The following DMD variants were observed in gnomAD, a reference collection of about 807,000 sequenced individuals.
The protein encoded by DMD is dystrophin.
A neutral mutation model predicts 330.1 loss-of-function variants in DMD; 63 were observed. That is an observed-to-expected ratio of 0.19 (90% CI 0.16 to 0.24). The LOEUF is 0.24. Among genes scored for constraint, DMD ranks in the 10% least tolerant of loss-of-function variants. DMD has a pLI of 1.00. For missense variants in DMD, 3,344 were observed against 2,684.1 expected, an observed-to-expected ratio of 1.25 and a Z score of -5.43; for synonymous variants, 1,223 against 959.8, an observed-to-expected ratio of 1.27 and a Z score of -5.07.
rs1478979282 is a variant in DMD, at chrX:31,876,452, T to C, written c.6913-1079A>G. ...TCATAGGATTACTGTTAGGACTCAG[T>C]AACGTCATCCCTGAACATACCTTAG... On this transcript the variant is annotated intron_variant, in intron 47 of 78. Coordinates refer to ENST00000357033, the MANE Select transcript of DMD (RefSeq NM_004006.3). Among the ~76,000 whole-genome samples, 3 of 112,018 alleles carry C rather than the reference T, an allele frequency of 2.7e-5. No individual in the cohort carries two copies. The East Asian group carries it at 8.4e-4, about 31-fold the overall frequency.
intron 60 of DMD, among the ~76,000 whole-genome samples, chrX:31,363,372 CTTTTTT>C (rs752548187): frequency 6.0e-4 from 31 of 51,877 alleles, no homozygotes; most frequent in African/African-American, 2.4e-3. Context: ...AGACATGTAT[CTTTTTT>C]TTTTTTTTTT....
chrX:32,561,232 C>T (rs1411935261), intron 16 of DMD, among the ~76,000 whole-genome samples: 1 of 111,464 alleles, frequency 9.0e-6, no homozygotes, highest in African/African-American at 3.3e-5. Context: ...AATGTTCTAA[C>T]CCAATGCAAA....
rs185212362 is a variant in DMD at position 32,185,320 on chromosome X, C to A, written c.6438+31596G>T. On this transcript the variant is annotated intron_variant, in intron 44 of 78. Transcript: ENST00000357033. ...TAGAAACAACATTGCCAGTAACTAT[C>A]TGATTAGCCTTAGGCAAGTTTCTCA... 1.3e-3 allele frequency among the ~76,000 whole-genome samples: 144 copies of A among 111,175 alleles called. 1 individual carries two copies. The highest frequency in any genetic ancestry group is 2.0e-3 in the Non-Finnish European group (106 of 52,771).
intron 29 of DMD, among the ~76,000 whole-genome samples, chrX:32,430,751 CT>C (rs773557048): frequency 9.9e-5 from 11 of 111,541 alleles, no homozygotes; most frequent in Non-Finnish European, 1.9e-4. Flanking sequence ...ATTCCACATT[CT>C]CCTTCCATTA....
chrX:32,752,373 T>C (rs929113677), intron 7 of DMD, among the ~76,000 whole-genome samples: 1 of 110,992 alleles, frequency 9.0e-6, no homozygotes, highest in Non-Finnish European at 1.9e-5. Context: ...CTTTAAGATT[T>C]GACAGCCCTG....
chrX:33,096,847 C>T (rs1422427576), intron 1 of DMD, among the ~76,000 whole-genome samples: 1 of 112,817 alleles, frequency 8.9e-6, no homozygotes, highest in Non-Finnish European at 1.9e-5. Flanking sequence ...AAGTTTACAA[C>T]AAACCACGTA....
At chrX:32,574,896 C>A (rs1408754972) in intron 13 of DMD, among the ~76,000 whole-genome samples, 1 of 92,158 alleles carries the variant, frequency 1.1e-5, no homozygotes, top group East Asian at 5.6e-4. Flanking sequence ...AAATAATCCA[C>A]CTATTTTTTT....
chrX:32,399,824 A>G (rs2098073277), intron 30 of DMD, among the ~76,000 whole-genome samples: 1 of 112,081 alleles, frequency 8.9e-6, no homozygotes, highest in Admixed American at 9.5e-5. Flanking sequence ...CAAGATTTGG[A>G]AGCAACCTAA....
chrX:33,153,443 C>A (rs1456824697), intron 1 of DMD, among the ~76,000 whole-genome samples: 1 of 112,625 alleles, frequency 8.9e-6, no homozygotes, highest in East Asian at 2.8e-4. Flanking sequence ...CAAAACAAAA[C>A]TGTATTTCCC....
intron 62 of DMD, among the ~76,000 whole-genome samples, chrX:31,267,482 C>A (rs2051276913): frequency 8.9e-6 from 1 of 111,744 alleles, no homozygotes; most frequent in Admixed American, 9.4e-5. Flanking sequence ...AAATGTAGAC[C>A]CTGGGAACAG....
At chrX:32,575,850 T>G (rs1162748597) in intron 13 of DMD, among the ~76,000 whole-genome samples, 1 of 111,849 alleles carries the variant, frequency 8.9e-6, no homozygotes, top group Admixed American at 9.5e-5. Context: ...AGGGACAAAC[T>G]CAAGCTATAG....
intron 52 of DMD, among the ~76,000 whole-genome samples, chrX:31,682,772 C>A (rs2082454756): frequency 8.9e-6 from 1 of 112,001 alleles, no homozygotes; most frequent in South Asian, 3.7e-4. Flanking sequence ...TTTTAGAATG[C>A]CTAGTGGTTT....
chrX:32,712,102 T>C (rs1200267102), intron 7 of DMD, among the ~76,000 whole-genome samples: 1 of 111,999 alleles, frequency 8.9e-6, no homozygotes, highest in Non-Finnish European at 1.9e-5. Context: ...AATGTGAACT[T>C]CAAAATTAAT....
intron 47 of DMD, among the ~76,000 whole-genome samples, chrX:31,889,651 A>T (rs62587702): frequency 0.013 from 718 of 57,088 alleles, 1 homozygote; most frequent in Middle Eastern, 0.031. Flanking sequence ...TCTCTCTCAC[A>T]CACACACACA....
intron 43 of DMD, among the ~76,000 whole-genome samples, chrX:32,239,838 A>G (rs1393363542): frequency 8.9e-6 from 1 of 112,091 alleles, no homozygotes; most frequent in Non-Finnish European, 1.9e-5. Context: ...TCTTTCTCGG[A>G]AATACCACCT....
chrX:32,801,337 C>A (rs1478612058), intron 7 of DMD, among the ~76,000 whole-genome samples: 1 of 111,581 alleles, frequency 9.0e-6, no homozygotes, highest in Non-Finnish European at 1.9e-5. Context: ...TGAGAAGGGT[C>A]TGTTCATACC....
chrX:31,987,702 G>A, intron 44 of DMD, among the ~76,000 whole-genome samples: 1 of 112,102 alleles, frequency 8.9e-6, no homozygotes, highest in South Asian at 3.7e-4. Context: ...GTGTTGGCAA[G>A]AATATGGAGA....
chrX:32,419,162 T>G lies in DMD; in HGVS notation c.4072-7249A>C, dbSNP rs775974580. Among the ~76,000 whole-genome samples, 3 of 110,356 alleles carry G rather than the reference T, an allele frequency of 2.7e-5. No homozygotes were observed. The Admixed American group carries it at 2.9e-4, about 11-fold the overall frequency. On this transcript the variant is annotated intron_variant, in intron 29 of 78. Coordinates refer to ENST00000357033, the MANE Select transcript of DMD (RefSeq NM_004006.3). ...ATGTCTAGATATGCTTATACCAGCT[T>G]AATGAAATGTTTTCCAAAAAGAATA...
chrX:32,896,309 G>A (rs1233704437), intron 2 of DMD, among the ~76,000 whole-genome samples: 3 of 111,790 alleles, frequency 2.7e-5, no homozygotes, highest in Non-Finnish European at 5.6e-5. Context: ...TCATCATACA[G>A]AAAGTAAACT....
Sources: gnomAD v4.1 joint callset for allele counts (sites outside exome capture counted in the v4.1 genomes callset) on GRCh38, gnomAD v4.1.1 for gene constraint, MANE v1.5 for transcripts, NCBI Gene and HGNC (gene_info 2026-07-23, HGNC 2026-07-21) for gene names.